The following MICALL1 variants were observed in gnomAD, a reference collection of about 807,000 sequenced individuals.
The protein encoded by MICALL1 is MICAL like 1, also known as MICAL-like protein 1.
In MICALL1, 61 loss-of-function variants were observed where a neutral mutation model predicts 83.7. The ratio of observed to expected loss-of-function variants is 0.73; its 90% CI spans 0.59 to 0.90. The LOEUF (loss-of-function observed/expected upper bound fraction) is 0.90. Ranked by LOEUF, MICALL1 falls within the 40% of genes least tolerant of loss-of-function variation. The pLI is 0.00. For synonymous variants in MICALL1, 481 were observed against 473.6 expected (o/e 1.02, Z -0.20); for missense variants, 1,066 against 1,152.0 (o/e 0.93, Z 1.08).
chr22:37,907,653 A>G (rs1928049965), intron 1 of MICALL1, among the ~76,000 whole-genome samples: 1 of 152,224 alleles, frequency 6.6e-6, no homozygotes, highest in Non-Finnish European at 1.5e-5. Context: ...CGAGGGCAGC[A>G]TGTGGGAAGG....
At chr22:37,911,583 C>T (rs919219136) in intron 1 of MICALL1, among the ~76,000 whole-genome samples, 7 of 152,178 alleles carry the variant, frequency 4.6e-5, no homozygotes, top group East Asian at 1.9e-4. Context: ...AGGTCACATG[C>T]GGGTCTTAGT....
Position 37,932,467 on chromosome 22 carries a change from C to T in MICALL1, c.2017-86C>T. The T allele has an allele frequency of 6.4e-7, 1 of 1,563,586 alleles. No homozygotes were observed. Among genetic ancestry groups the T allele is most frequent in the Non-Finnish European group, 8.7e-7 (1 of 1,151,586 alleles). Reference sequence around the variant, plus strand: ...GGACAGGGCCCGGGCCCTGGAGCCACCAGTGGCCAATGCTGGCCAGAGAAG... The same window carrying T: ...GGACAGGGCCCGGGCCCTGGAGCCATCAGTGGCCAATGCTGGCCAGAGAAG... On this transcript the variant is annotated intron_variant, in intron 10 of 15. Transcript: ENST00000215957. This position sits in a 1 kb window ranked among gnomAD's most constrained non-coding sequence, Gnocchi z 4.4.
In MICALL1 at chr22:37,931,800, C is replaced by A; in HGVS notation, c.1883C>A (p.Ser628Tyr). The change falls in exon 10 of 16, where the codon TCC (serine) becomes TAC (tyrosine). Residue 628 changes from serine (S) to tyrosine (Y), a missense_variant and splice_region_variant. Ser to Tyr is a moderately radical substitution (Grantham distance 144). Transcript: ENST00000215957. The stretch of plus-strand genomic sequence containing the variant: ...TCTGTCATGTCTCCTTCCCTTTAGT[C>A]CTCCTGCAAGGAGAATCCTTTTAAC... ...GSSSPQLQVK[S>Y]SCKENPFNRK... 6.2e-7 allele frequency: 1 copy of A among 1,614,054 alleles called. No homozygotes were observed. Among genetic ancestry groups the A allele is most frequent in the Non-Finnish European group, 8.5e-7 (1 of 1,179,990 alleles).
intron 13 of MICALL1, 151 bp from the exon 14 acceptor site, chr22:37,936,929 A>C: frequency 6.9e-6 from 4 of 580,658 alleles, no homozygotes. Flanking sequence ...TGTAAGCCCC[A>C]CCTATCGGGG....
At chr22:37,926,148 G>C (rs1314235669) in intron 8 of MICALL1, 105 bp downstream of exon 8, 8 of 1,356,416 alleles carry the variant, frequency 5.9e-6, no homozygotes, top group Non-Finnish European at 6.9e-6. Context: ...CAGGCACCAC[G>C]TGTTTCATGG....
intron 3 of MICALL1, among the ~76,000 whole-genome samples, chr22:37,914,186 T>G (rs368658785): frequency 1.3e-5 from 2 of 149,978 alleles, no homozygotes; most frequent in African/African-American, 4.9e-5. Flanking sequence ...CTGGCCCAAC[T>G]CTTTAAAGTG....
chr22:37,921,842 T>G, intron 5 of MICALL1, 130 bp from the exon 6 acceptor site: 1 of 762,324 alleles, frequency 1.3e-6, no homozygotes, highest in East Asian at 2.6e-5. Context: ...AAGTCTAGGG[T>G]ATGGAGTCGA....
chr22:37,931,780 C>A lies in MICALL1; in HGVS notation c.1882-19C>A. 1 of 1,613,938 alleles carries A rather than the reference C, an allele frequency of 6.2e-7. No homozygotes were observed. Among genetic ancestry groups the A allele is most frequent in the South Asian group, 1.1e-5 (1 of 91,056 alleles). ...CCCTCTTCCCAGGCTCACCCTCTGT[C>A]ATGTCTCCTTCCCTTTAGTCCTCCT... On this transcript the variant is annotated intron_variant, in intron 9 of 15. Coordinates refer to ENST00000215957, the MANE Select transcript of MICALL1 (RefSeq NM_033386.4).
chr22:37,937,187 C>G lies in MICALL1; in HGVS notation c.2416C>G (p.Arg806Gly). 1 of 1,468,374 alleles carries G rather than the reference C, an allele frequency of 6.8e-7. No homozygotes were observed. The highest frequency in any genetic ancestry group is 9.1e-7 in the Non-Finnish European group (1 of 1,095,910). 91.0% of individuals were successfully genotyped at this position (1,468,374 alleles called of 1,614,324 possible). The change falls in exon 14 of 16, where the codon CGG becomes GGG. Residue 806 changes from arginine (R) to glycine (G), a missense_variant. By Grantham distance (125) the Arg-to-Gly change is moderately radical. Coordinates refer to ENST00000215957, the MANE Select transcript of MICALL1 (RefSeq NM_033386.4). ...NAIINCLDED[R>G]QREEEEDKML... ...TATCATCAACTGCCTGGATGAGGAC[C>G]GGCAGAGGTGACATGGCCAGGGGTG... is the stretch of plus-strand genomic sequence containing the variant.
At position 37,932,642 on chromosome 22, in the gene MICALL1, G is replaced by T. The variant is rs771401432; in HGVS notation, c.2106G>T (p.Gly702=). 1 of 1,614,114 alleles carries T rather than the reference G, an allele frequency of 6.2e-7. No individual in the cohort carries two copies. The highest frequency in any genetic ancestry group is 8.5e-7 in the Non-Finnish European group (1 of 1,180,008). Residue 702 remains glycine (G), a synonymous_variant, in exon 11 of 16, where the codon GGG becomes GGT. Coordinates refer to ENST00000215957, the MANE Select transcript of MICALL1 (RefSeq NM_033386.4). This position sits in a 1 kb window ranked among gnomAD's most constrained non-coding sequence, Gnocchi z 4.4. The part of the protein sequence containing the change: ...ERRLDALEHR[G]VLLEEKLRGG... ...GGCTGGATGCCCTGGAGCACCGTGG[G>T]GTGCTGCTGGAGGAGAAGCTGCGTG...
chr22:37,917,668 C>G lies in MICALL1; in HGVS notation c.338-39C>G, dbSNP rs755731514. On this transcript the variant is annotated intron_variant, in intron 3 of 15. Transcript: ENST00000215957. Reference sequence around the variant, plus strand: ...TTGGGACCTCCTGGGACTCCAGGATCTCCACCTGCTTCAGGACCCCTTTCT... The same window carrying G: ...TTGGGACCTCCTGGGACTCCAGGATGTCCACCTGCTTCAGGACCCCTTTCT... The G allele has an allele frequency of 5.0e-6, 8 of 1,599,214 alleles. No homozygotes were observed. In the South Asian group the frequency reaches 8.8e-5, roughly 18 times the overall value.
intron 7 of MICALL1, among the ~76,000 whole-genome samples, chr22:37,925,107 G>C (rs1175183062): frequency 6.6e-6 from 1 of 152,172 alleles, no homozygotes; most frequent in Non-Finnish European, 1.5e-5. Flanking sequence ...CCTGCAGCAC[G>C]GGACCCTGCT....
chr22:37,922,459 G>A (rs1421944028), intron 6 of MICALL1, 33 bp downstream of exon 6: 28 of 1,442,304 alleles, frequency 1.9e-5, no homozygotes, highest in South Asian at 4.2e-5. Flanking sequence ...AGGGGGCACC[G>A]GGTGGCAGTG....
Position 37,927,544 on chromosome 22 carries a change from G to A in MICALL1, c.1599G>A (p.Val533=), listed in dbSNP as rs760680399. The A allele has an allele frequency of 3.1e-6, 5 of 1,613,836 alleles. No homozygotes were observed. In the East Asian group the frequency reaches 1.1e-4, roughly 36 times the overall value. Reference sequence around the variant, plus strand: ...CAGAGCTTCTGGAGCCGCCAGCTGTGCCCAAGAGCTCCTCAGAGCCTGCTG... The same window carrying A: ...CAGAGCTTCTGGAGCCGCCAGCTGTACCCAAGAGCTCCTCAGAGCCTGCTG... ...AGAELLEPPA[V]PKSSSEPAVH... is the part of the protein sequence containing the mutation. Residue 533 remains valine (V), a synonymous_variant, in exon 9 of 16, where the codon GTG becomes GTA. Coordinates refer to ENST00000215957, the MANE Select transcript of MICALL1 (RefSeq NM_033386.4).
intron 3 of MICALL1, among the ~76,000 whole-genome samples, chr22:37,913,944 C>T (rs975851455): frequency 7.3e-5 from 11 of 150,332 alleles, no homozygotes; most frequent in African/African-American, 1.5e-4. Flanking sequence ...GGCGCGATCT[C>T]GGCTTACTGC....
intron 5 of MICALL1, among the ~76,000 whole-genome samples, chr22:37,921,510 T>G (rs1037407589): frequency 3.3e-5 from 5 of 151,876 alleles, no homozygotes; most frequent in African/African-American, 1.2e-4. Flanking sequence ...GAGGCGGAGG[T>G]TGCAGTGAGC....
chr22:37,939,221 A>G (rs1035180921), intron 15 of MICALL1, among the ~76,000 whole-genome samples: 2 of 152,108 alleles, frequency 1.3e-5, no homozygotes, highest in South Asian at 2.1e-4. Context: ...CTCATTCTTC[A>G]TATCTGCAGA....
chr22:37,936,974 T>C (rs1418809683), intron 13 of MICALL1, 106 bp from the exon 14 acceptor site: 3 of 841,600 alleles, frequency 3.6e-6, no homozygotes, highest in Non-Finnish European at 5.6e-6. Flanking sequence ...TTGCATGGTA[T>C]TTAGCATGGG....
At position 37,930,966 on chromosome 22, in the gene MICALL1, C is replaced by G. The variant is rs1929755943; in HGVS notation, c.1882-833C>G. On this transcript the variant is annotated intron_variant, in intron 9 of 15. Coordinates refer to ENST00000215957, the MANE Select transcript of MICALL1 (RefSeq NM_033386.4). The surrounding 1 kb of genome is among the most constrained non-coding windows in gnomAD (Gnocchi z 4.8). ...CTCTGTCTTGCCTTAAACCCAATGC[C>G]ATTCTGTGCTTCTAGGGAAACCCCT... Among the ~76,000 whole-genome samples the G allele has an allele frequency of 6.6e-6, 1 of 152,238 alleles. No individual in the cohort carries two copies. The highest frequency in any genetic ancestry group is 1.5e-5 in the Non-Finnish European group (1 of 68,038).
Sources: allele counts gnomAD v4.1 joint callset (sites outside exome capture counted in the v4.1 genomes callset), GRCh38; gene constraint gnomAD v4.1.1; non-coding constraint Gnocchi (gnomAD v3.1); transcripts MANE v1.5; gene names NCBI Gene and HGNC (gene_info 2026-07-23, HGNC 2026-07-21).